Variants in CPED1 observed in about 807,000 individuals in gnomAD.
CPED1 encodes the protein cadherin like and PC-esterase domain containing 1.
CPED1 carries 114 observed loss-of-function variants against 128.2 expected under a neutral mutation model. That is an observed-to-expected ratio of 0.89 (90% CI 0.76 to 1.04). The LOEUF is 1.04. Among genes scored for constraint, CPED1 ranks in the 50% least tolerant of loss-of-function variants. The pLI is 0.00. For synonymous variants in CPED1, 462 were observed against 426.7 expected, an observed-to-expected ratio of 1.08 and a Z score of -1.02; for missense variants, 1,211 against 1,207.1, an observed-to-expected ratio of 1.00 and a Z score of -0.05.
chr7:121,082,543 G>T (rs1794319484), intron 5 of CPED1, among the ~76,000 whole-genome samples: 1 of 152,178 alleles, frequency 6.6e-6, no homozygotes, highest in African/African-American at 2.4e-5. Flanking sequence ...TTTATAGATA[G>T]ATTACCCTAA....
intron 3 of CPED1, among the ~76,000 whole-genome samples, chr7:121,024,906 G>T (rs1792536640): frequency 6.6e-6 from 1 of 152,140 alleles, no homozygotes; most frequent in African/African-American, 2.4e-5. Flanking sequence ...GGAGTTTGGA[G>T]ACTCCAGGTA....
chr7:121,001,604 G>A (rs1791861347), intron 2 of CPED1, among the ~76,000 whole-genome samples: 1 of 152,076 alleles, frequency 6.6e-6, no homozygotes. Flanking sequence ...TGGCGTTAGG[G>A]TGGTGGTGCA....
At chr7:121,042,919 G>A (rs1278050719) in intron 3 of CPED1, among the ~76,000 whole-genome samples, 3 of 152,158 alleles carry the variant, frequency 2.0e-5, no homozygotes, top group African/African-American at 7.2e-5. Context: ...TTTTCCCCAT[G>A]CAAGGAGAAC....
intron 5 of CPED1, among the ~76,000 whole-genome samples, chr7:121,069,622 A>G (rs1793939636): frequency 6.6e-6 from 1 of 152,126 alleles, no homozygotes; most frequent in Non-Finnish European, 1.5e-5. Context: ...ACATCCACGG[A>G]ATTTTTACTG....
At chr7:121,203,204 A>C (rs149860615) in intron 16 of CPED1, among the ~76,000 whole-genome samples, 10 of 152,012 alleles carry the variant, frequency 6.6e-5, no homozygotes, top group African/African-American at 2.4e-4. Flanking sequence ...ACATCTCCAA[A>C]TCCTTCTATA....
intron 5 of CPED1, among the ~76,000 whole-genome samples, chr7:121,094,417 G>C (rs1794650119): frequency 2.0e-5 from 3 of 152,264 alleles, no homozygotes; most frequent in Admixed American, 2.0e-4. Flanking sequence ...TGACTGTGGT[G>C]TATATACTCA....
intron 17 of CPED1, among the ~76,000 whole-genome samples, chr7:121,238,952 A>G (rs1019451556): frequency 1.3e-5 from 2 of 152,104 alleles, no homozygotes; most frequent in African/African-American, 4.8e-5. Context: ...TCCACAGAAG[A>G]CTATGAGCAG....
intron 17 of CPED1, among the ~76,000 whole-genome samples, chr7:121,241,900 CAGTG>C (rs746997984): frequency 2.6e-5 from 4 of 152,120 alleles, no homozygotes; most frequent in Non-Finnish European, 5.9e-5. Context: ...CTAATTTAAA[CAGTG>C]AGTTTTATCC....
intron 16 of CPED1, chr7:121,149,412 AAG>A (rs1398636821): frequency 6.6e-6 from 1 of 152,198 alleles, no homozygotes; most frequent in African/African-American, 2.4e-5. Flanking sequence ...GTTGATGAAA[AAG>A]AGTCATGTTG....
At chr7:121,284,379 A>C (rs1792522423) in intron 22 of CPED1, among the ~76,000 whole-genome samples, 1 of 152,080 alleles carries the variant, frequency 6.6e-6, no homozygotes, top group Non-Finnish European at 1.5e-5. Context: ...TCCTCTCCAA[A>C]TCTCATGTCC....
intron 16 of CPED1, among the ~76,000 whole-genome samples, chr7:121,175,937 A>C (rs919332768): frequency 6.6e-6 from 1 of 152,026 alleles, no homozygotes; most frequent in Non-Finnish European, 1.5e-5. Context: ...GATATGGTTC[A>C]TCTTTTTTTC....
chr7:121,230,831 CAT>C (rs1190602666), intron 16 of CPED1, among the ~76,000 whole-genome samples: 1 of 151,984 alleles, frequency 6.6e-6, no homozygotes, highest in Non-Finnish European at 1.5e-5. Context: ...ACAGGGGAGA[CAT>C]GTTATTAGTG....
chr7:121,218,866 A>G (rs1159460292), intron 16 of CPED1, among the ~76,000 whole-genome samples: 1 of 152,080 alleles, frequency 6.6e-6, no homozygotes, highest in African/African-American at 2.4e-5. Context: ...CTAAAAAATG[A>G]CAAAAAAAGT....
At chr7:121,076,443 T>C (rs1794127052) in intron 5 of CPED1, 1 of 152,224 alleles carries the variant, frequency 6.6e-6, no homozygotes, top group African/African-American at 2.4e-5. Context: ...GCTGAGAGAC[T>C]GTTACTGCTA....
intron 16 of CPED1, among the ~76,000 whole-genome samples, chr7:121,181,123 A>T (rs1323614676): frequency 6.6e-6 from 1 of 152,096 alleles, no homozygotes; most frequent in African/African-American, 2.4e-5. Flanking sequence ...AAATGGATTT[A>T]TTGTGTTTTT....
intron 16 of CPED1, among the ~76,000 whole-genome samples, chr7:121,179,237 G>A (rs1333804964): frequency 6.6e-6 from 1 of 152,072 alleles, no homozygotes; most frequent in African/African-American, 2.4e-5. Flanking sequence ...GAGGGCAGAC[G>A]CTAGGCTGCA....
In CPED1 at chr7:121,266,303, A is replaced by C; in HGVS notation, c.2387A>C (p.Glu796Ala). 6.2e-7 allele frequency: 1 copy of C among 1,613,262 alleles called. No homozygotes were observed. Among genetic ancestry groups the C allele is most frequent in the Non-Finnish European group, 8.5e-7 (1 of 1,179,454 alleles). The change falls in exon 19 of 23, where the codon GAA becomes GCA. Residue 796 changes from glutamate (E) to alanine (A), a missense_variant. Transcript: ENST00000310396. The stretch of plus-strand genomic sequence containing the variant: ...GAAAGGCTGAATGAAACGTTGCAGG[A>C]ATGGCAGAAAGTACATGGCACTAAA... Reference protein sequence around the residue: ...LIERLNETLQEWQKVHGTKFY... With the variant: ...LIERLNETLQAWQKVHGTKFY...
intron 5 of CPED1, among the ~76,000 whole-genome samples, chr7:121,080,304 A>G (rs531242025): frequency 9.9e-5 from 15 of 152,198 alleles, no homozygotes; most frequent in African/African-American, 2.2e-4. Context: ...GTATATTACA[A>G]TTGTTTGGAT....
At chr7:121,268,997 C>T (rs894692712) in intron 21 of CPED1, among the ~76,000 whole-genome samples, 3 of 151,788 alleles carry the variant, frequency 2.0e-5, no homozygotes, top group East Asian at 3.9e-4. Context: ...TGTGAGAGCA[C>T]CAAGGGAATT....
Sources: gnomAD v4.1 joint callset for allele counts (sites outside exome capture counted in the v4.1 genomes callset) on GRCh38, gnomAD v4.1.1 for gene constraint, MANE v1.5 for transcripts, NCBI Gene and HGNC (gene_info 2026-07-23, HGNC 2026-07-21) for gene names.